MBP: variants seen among roughly 807,000 people sequenced by gnomAD.
The protein encoded by MBP is myelin basic protein.
A neutral mutation model predicts 35.8 loss-of-function variants in MBP; 16 were observed. That is an observed-to-expected ratio of 0.45 (90% CI 0.30 to 0.68). MBP has a LOEUF of 0.68. MBP is among the 30% of genes least tolerant of loss of function. The probability of loss-of-function intolerance (pLI) is 0.08; values close to 1 mark genes in which losing one functional copy is unlikely to be tolerated. For missense variants in MBP, 380 were observed against 404.7 expected (o/e 0.94, Z 0.52); for synonymous variants, 143 against 159.6 (o/e 0.90, Z 0.78).
intron 8 of MBP, 167 bp downstream of exon 8, chr18:76,984,608 G>GCT: frequency 1.2e-6 from 1 of 820,174 alleles, no homozygotes; most frequent in Non-Finnish European, 1.9e-6. Flanking sequence ...ACGCGTAAAT[G>GCT]CGGGTGGGCA....
chr18:77,061,280 T>C (rs548533087), intron 3 of MBP, among the ~76,000 whole-genome samples: 1 of 152,280 alleles, frequency 6.6e-6, no homozygotes, highest in South Asian at 2.1e-4. Flanking sequence ...CATGTGACTC[T>C]TTGTCTGTGA....
chr18:77,057,125 A>G (rs1973758212), intron 3 of MBP, among the ~76,000 whole-genome samples: 1 of 152,152 alleles, frequency 6.6e-6, no homozygotes, highest in Non-Finnish European at 1.5e-5. Context: ...GATATAAAGT[A>G]TCATTAACAT....
intron 1 of MBP, among the ~76,000 whole-genome samples, chr18:77,128,988 A>G (rs1475495785): frequency 6.8e-6 from 1 of 147,780 alleles, no homozygotes; most frequent in Non-Finnish European, 1.5e-5. Context: ...CGTAAAGGTA[A>G]AAAAAAATCT....
At chr18:76,981,216 G>A (rs470822) in intron 8 of MBP, 96,831 of 152,058 alleles carry the variant, frequency 0.64, 30,949 homozygotes, top group Middle Eastern at 0.69. Flanking sequence ...TTAGATCGAC[G>A]AAGCAGAACT....
rs548336430 is a variant in MBP, at chr18:77,020,790, G to T, written c.140-3522C>A. 6.6e-6 allele frequency among the ~76,000 whole-genome samples: 1 copy of T among 152,294 alleles called. No homozygotes were observed. Among genetic ancestry groups the T allele is most frequent in the African/African-American group, 2.4e-5 (1 of 41,566 alleles). On this transcript the variant is annotated intron_variant, in intron 3 of 8. Transcript: ENST00000355994. The surrounding 1 kb of genome is among the most constrained non-coding windows in gnomAD (Gnocchi z 4.1). ...CCTCCCGGTTAGGGCATGGTGGGTG[G>T]GAGCACTCTGGAAACCCGCATTCCC...
chr18:77,059,284 A>T (rs1973867608), intron 3 of MBP, among the ~76,000 whole-genome samples: 1 of 152,222 alleles, frequency 6.6e-6, no homozygotes, highest in Non-Finnish European at 1.5e-5. Context: ...ATCGCTAAAC[A>T]GCCTAGAAAA....
intron 8 of MBP, chr18:76,983,431 A>T (rs1002910692): frequency 6.6e-6 from 1 of 152,298 alleles, no homozygotes; most frequent in Non-Finnish European, 1.5e-5. Context: ...TCCTGACTGC[A>T]GTGCTGGGTT....
chr18:76,985,111 G>A (rs1441421541), intron 7 of MBP: 3 of 1,530,018 alleles, frequency 2.0e-6, no homozygotes, highest in East Asian at 4.9e-5. Context: ...AGAGAGAGGA[G>A]GGCTCTGGTT....
intron 3 of MBP, among the ~76,000 whole-genome samples, chr18:77,055,561 T>C (rs909467153): frequency 7.2e-5 from 11 of 151,776 alleles, no homozygotes; most frequent in African/African-American, 2.7e-4. Flanking sequence ...CTTTTCATCC[T>C]TCCTTCCTTT....
chr18:77,091,627 C>T (rs978345834), intron 2 of MBP, among the ~76,000 whole-genome samples: 11 of 148,688 alleles, frequency 7.4e-5, no homozygotes, highest in Admixed American at 6.7e-4. Context: ...ACCCACACCC[C>T]TATACAGGTA....
chr18:77,043,562 C>T (rs75383431), intron 3 of MBP, among the ~76,000 whole-genome samples: 22,641 of 147,194 alleles, frequency 0.15, 2,040 homozygotes, highest in East Asian at 0.32. Context: ...TGCCCTTCTC[C>T]TGCTGCGATC....
chr18:77,062,695 G>A (rs1326622542), intron 3 of MBP, among the ~76,000 whole-genome samples: 2 of 152,150 alleles, frequency 1.3e-5, no homozygotes, highest in Non-Finnish European at 2.9e-5. Context: ...AAGGCTGCGT[G>A]GTTTTAGTTG....
At chr18:77,092,387 T>C (rs1229367396) in intron 2 of MBP, among the ~76,000 whole-genome samples, 1 of 152,064 alleles carries the variant, frequency 6.6e-6, no homozygotes, top group Non-Finnish European at 1.5e-5. Context: ...AGCGTCGTCA[T>C]GGCCACACAG....
chr18:77,040,144 C>T (rs903878845), intron 3 of MBP, among the ~76,000 whole-genome samples: 20 of 152,212 alleles, frequency 1.3e-4, no homozygotes, highest in Non-Finnish European at 2.4e-4. Flanking sequence ...TTAGTCTCTT[C>T]TCATATTATC....
At chr18:77,018,865 T>TATCCATCCATCC (rs200121847) in intron 3 of MBP, among the ~76,000 whole-genome samples, 7 of 125,112 alleles carry the variant, frequency 5.6e-5, no homozygotes, top group Non-Finnish European at 9.9e-5. Context: ...CTCATCCATC[T>TATCCATCCATCC]ATCCATCCAT....
chr18:77,049,013 G>T (rs532410269), intron 3 of MBP, among the ~76,000 whole-genome samples: 1 of 151,804 alleles, frequency 6.6e-6, no homozygotes, highest in East Asian at 2.0e-4. Flanking sequence ...TCCGCCTCCC[G>T]GGTTCAGGCC....
At chr18:77,018,237 C>G (rs113774286) in intron 3 of MBP, among the ~76,000 whole-genome samples, 1 of 151,078 alleles carries the variant, frequency 6.6e-6, no homozygotes, top group African/African-American at 2.4e-5. Context: ...TCCACTCATC[C>G]ATCCGTTCAC....
intron 3 of MBP, among the ~76,000 whole-genome samples, chr18:77,053,176 T>A (rs1304444605): frequency 6.6e-6 from 1 of 152,166 alleles, no homozygotes; most frequent in Non-Finnish European, 1.5e-5. Flanking sequence ...GGCTTAGTGA[T>A]AGGAGCCCTG....
chr18:77,066,843 C>T (rs1007318649), intron 2 of MBP, among the ~76,000 whole-genome samples: 11 of 152,300 alleles, frequency 7.2e-5, no homozygotes, highest in Admixed American at 3.3e-4. Context: ...GGACAGAAAA[C>T]GAAGCTGATG....
Sources: allele counts gnomAD v4.1 joint callset (sites outside exome capture counted in the v4.1 genomes callset), GRCh38; gene constraint gnomAD v4.1.1; non-coding constraint Gnocchi (gnomAD v3.1); transcripts MANE v1.5; gene names NCBI Gene and HGNC (gene_info 2026-07-23, HGNC 2026-07-21).